TTLL11: variants seen among roughly 807,000 people sequenced by gnomAD.
The protein encoded by TTLL11 is tubulin tyrosine ligase like 11.
TTLL11 carries 42 observed loss-of-function variants against 51.7 expected under a neutral mutation model. That is an observed-to-expected ratio of 0.81 (90% CI 0.64 to 1.05). TTLL11 has a LOEUF of 1.05. TTLL11 is among the 50% of genes least tolerant of loss of function. The pLI is 0.00. For missense variants in TTLL11, 799 were observed against 940.4 expected (o/e 0.85, Z 1.97); for synonymous variants, 381 against 383.5 (o/e 0.99, Z 0.08).
intron 2 of TTLL11, among the ~76,000 whole-genome samples, 158 bp from the exon 3 acceptor site, chr9:122,032,014 T>C (rs1174153978): frequency 2.6e-5 from 4 of 152,228 alleles, no homozygotes. Context: ...CGGTGACTCA[T>C]GGTTTGGAAA....
chr9:121,960,711 G>C (rs934137112), intron 6 of TTLL11, among the ~76,000 whole-genome samples: 1 of 152,264 alleles, frequency 6.6e-6, no homozygotes, highest in African/African-American at 2.4e-5. Context: ...ACCGGTCTAC[G>C]GTGCTGCAGA....
In TTLL11 at chr9:121,897,252, G is replaced by T. The variant is rs564777067; in HGVS notation, c.1482-26504C>A. ...AGCGGATATCCACTGGGTGCTTTTA[G>T]ACCTCATAACAAGCCTGCCAGGCAG... On this transcript the variant is annotated intron_variant, in intron 6 of 8. Transcript: ENST00000321582. Among the ~76,000 whole-genome samples the T allele has an allele frequency of 3.3e-5, 5 of 152,214 alleles. 1 individual carries two copies. In the South Asian group the frequency reaches 1.0e-3, roughly 32 times the overall value.
chr9:121,933,877 A>G (rs1169888805), intron 6 of TTLL11, among the ~76,000 whole-genome samples: 1 of 152,234 alleles, frequency 6.6e-6, no homozygotes, highest in Non-Finnish European at 1.5e-5. Flanking sequence ...AAGGTTAGTT[A>G]GTTGCAATAT....
At chr9:122,055,905 G>A (rs1442943544) in intron 1 of TTLL11, among the ~76,000 whole-genome samples, 1 of 152,206 alleles carries the variant, frequency 6.6e-6, no homozygotes, top group African/African-American at 2.4e-5. Flanking sequence ...AAACTGCATG[G>A]GCAAAGACTG....
chr9:121,880,435 A>C (rs909237640), intron 6 of TTLL11, among the ~76,000 whole-genome samples: 1 of 152,108 alleles, frequency 6.6e-6, no homozygotes, highest in Non-Finnish European at 1.5e-5. Context: ...AATGCTTCCC[A>C]CGGCTTTTGG....
chr9:121,956,168 T>C (rs1007380736), intron 6 of TTLL11, among the ~76,000 whole-genome samples: 7 of 152,164 alleles, frequency 4.6e-5, no homozygotes, highest in African/African-American at 1.7e-4. Flanking sequence ...CCACCACTTA[T>C]TCTGCTGCAG....
At chr9:121,896,474 C>T (rs963282420) in intron 6 of TTLL11, among the ~76,000 whole-genome samples, 4 of 152,212 alleles carry the variant, frequency 2.6e-5, no homozygotes, top group African/African-American at 4.8e-5. Context: ...CCAACCTCTT[C>T]GGTGTCACTT....
rs987789497 is a variant in TTLL11 at position 122,007,067 on chromosome 9, C to T, written c.694-17297G>A. On this transcript the variant is annotated intron_variant, in intron 3 of 8. Transcript: ENST00000321582. ...TAGGGTGGGGTTGTTTTTATTTTAA[C>T]TACATGTATAGGTTGCTTATATTTC... Among the ~76,000 whole-genome samples the T allele has an allele frequency of 3.5e-5, 5 of 143,626 alleles. No individual in the cohort carries two copies. The South Asian group carries it at 9.8e-4, about 28-fold the overall frequency. The allele number at this position is 143,626 out of a possible 152,430, so 94.2% of individuals were successfully genotyped here.
chr9:121,919,607 T>C (rs1021350570), intron 6 of TTLL11, among the ~76,000 whole-genome samples: 14 of 152,014 alleles, frequency 9.2e-5, no homozygotes, highest in Admixed American at 2.6e-4. Context: ...TGTCCACAGA[T>C]GTTGTAATAT....
chr9:121,856,529 A>G (rs1837824073), intron 8 of TTLL11, among the ~76,000 whole-genome samples: 1 of 152,168 alleles, frequency 6.6e-6, no homozygotes, highest in Non-Finnish European at 1.5e-5. Context: ...TCTCACATAA[A>G]TGTTCAGTAA....
chr9:122,070,899 G>A (rs946692787), intron 1 of TTLL11, among the ~76,000 whole-genome samples: 3 of 152,146 alleles, frequency 2.0e-5, no homozygotes, highest in African/African-American at 7.2e-5. Context: ...ATCACTGCTT[G>A]TCTTATGGAG....
intron 1 of TTLL11, among the ~76,000 whole-genome samples, chr9:122,058,634 G>T (rs2416850): frequency 6.6e-6 from 1 of 152,262 alleles, no homozygotes; most frequent in East Asian, 1.9e-4. Flanking sequence ...GGACTAGCGC[G>T]TATGGCCATC....
chr9:121,963,924 C>T (rs56344629), intron 6 of TTLL11, among the ~76,000 whole-genome samples: 11,746 of 152,188 alleles, frequency 0.077, 689 homozygotes, highest in African/African-American at 0.16. Flanking sequence ...GTATGGGGAA[C>T]GCAATGTATC....
At chr9:122,066,699 T>G (rs1017885275) in intron 1 of TTLL11, among the ~76,000 whole-genome samples, 1 of 152,194 alleles carries the variant, frequency 6.6e-6, no homozygotes, top group African/African-American at 2.4e-5. Flanking sequence ...TATCCAGGAA[T>G]GTTCTGCTGA....
intron 1 of TTLL11, among the ~76,000 whole-genome samples, chr9:122,090,499 C>T (rs1846231770): frequency 6.6e-6 from 1 of 152,206 alleles, no homozygotes; most frequent in South Asian, 2.1e-4. Context: ...ATCCAAAGTC[C>T]ATGACCCTAA....
chr9:121,837,279 C>T (rs190825548), intron 8 of TTLL11, among the ~76,000 whole-genome samples: 1 of 150,520 alleles, frequency 6.6e-6, no homozygotes, highest in Non-Finnish European at 1.5e-5. Flanking sequence ...CTTGAATGAG[C>T]AATCATCTCT....
At chr9:121,958,466 T>C (rs191379586) in intron 6 of TTLL11, among the ~76,000 whole-genome samples, 4 of 152,236 alleles carry the variant, frequency 2.6e-5, no homozygotes, top group Admixed American at 2.0e-4. Context: ...CAAACACCCT[T>C]AGCACCTCCA....
chr9:121,921,917 C>T (rs950161739), intron 6 of TTLL11, among the ~76,000 whole-genome samples: 1 of 152,242 alleles, frequency 6.6e-6, no homozygotes, highest in African/African-American at 2.4e-5. Context: ...AAGAACCCTT[C>T]TCTGAGCCCA....
chr9:121,919,251 A>C (rs1840440237), intron 6 of TTLL11, among the ~76,000 whole-genome samples: 1 of 152,252 alleles, frequency 6.6e-6, no homozygotes. Context: ...TTATTAAATA[A>C]CTTTAAAGAT....
Sources: allele counts gnomAD v4.1 joint callset (sites outside exome capture counted in the v4.1 genomes callset), GRCh38; gene constraint gnomAD v4.1.1; transcripts MANE v1.5; gene names NCBI Gene and HGNC (gene_info 2026-07-23, HGNC 2026-07-21).